Variants in HEMK2 observed in about 807,000 individuals in gnomAD.
The protein encoded by HEMK2 is HemK methyltransferase 2, ETF1 glutamine and histone H4 lysine.
At chr21:28,828,681 A>C in the HEMK2 span, among the ~76,000 whole-genome samples, 1 of 152,144 alleles carries the variant, frequency 6.6e-6, no homozygotes, top group Admixed American at 6.5e-5. Context: ...TGCTGTCAGA[A>C]AATGTTCCCT....
At chr21:28,834,038 A>G in the HEMK2 span, among the ~76,000 whole-genome samples, 2 of 152,212 alleles carry the variant, frequency 1.3e-5, no homozygotes, top group Non-Finnish European at 2.9e-5. Flanking sequence ...GTTTGTCTGC[A>G]TACGTGTGCA....
At chr21:28,730,073 A>G in the HEMK2 span, among the ~76,000 whole-genome samples, 1 of 152,062 alleles carries the variant, frequency 6.6e-6, no homozygotes, top group Non-Finnish European at 1.5e-5. Flanking sequence ...CCTCAAAGCT[A>G]AGCAGCTTAA....
the HEMK2 span, among the ~76,000 whole-genome samples, chr21:28,736,570 A>T: frequency 6.6e-6 from 1 of 152,206 alleles, no homozygotes; most frequent in Non-Finnish European, 1.5e-5. Context: ...CAGCCTGGCC[A>T]ACATGGTGAA....
At chr21:28,811,914 C>G in the HEMK2 span, among the ~76,000 whole-genome samples, 1 of 152,154 alleles carries the variant, frequency 6.6e-6, no homozygotes, top group African/African-American at 2.4e-5. Context: ...AAATAAAATT[C>G]ATCCGTTCTT....
the HEMK2 span, among the ~76,000 whole-genome samples, chr21:28,698,437 T>G: frequency 6.6e-6 from 1 of 152,188 alleles, no homozygotes; most frequent in African/African-American, 2.4e-5. Context: ...CTTACTGACA[T>G]TATAATTGTA....
the HEMK2 span, among the ~76,000 whole-genome samples, chr21:28,706,346 A>G: frequency 3.9e-5 from 6 of 152,316 alleles, no homozygotes; most frequent in Admixed American, 2.6e-4. Context: ...TAACGACTCT[A>G]TAACATCCTA....
the HEMK2 span, among the ~76,000 whole-genome samples, chr21:28,578,669 T>C: frequency 6.6e-6 from 1 of 152,172 alleles, no homozygotes; most frequent in Admixed American, 6.5e-5. Flanking sequence ...TGAAATCTTC[T>C]ACTCAGGGAT....
At chr21:28,717,409 C>T in the HEMK2 span, among the ~76,000 whole-genome samples, 11 of 151,214 alleles carry the variant, frequency 7.3e-5, no homozygotes, top group Admixed American at 3.3e-4. Context: ...GTTTGTATAC[C>T]TAGAAGTGTT....
chr21:28,822,601 A>G, the HEMK2 span, among the ~76,000 whole-genome samples: 2 of 152,056 alleles, frequency 1.3e-5, no homozygotes, highest in Non-Finnish European at 2.9e-5. Context: ...ACACATATAT[A>G]TATCCCTGAG....
the HEMK2 span, among the ~76,000 whole-genome samples, chr21:28,717,532 T>C: frequency 1.4e-5 from 2 of 142,368 alleles, no homozygotes; most frequent in East Asian, 2.3e-4. Context: ...CAGGCTGGAG[T>C]ACAGTGGCAT....
chr21:28,856,297 C>A, the HEMK2 span, among the ~76,000 whole-genome samples: 1 of 152,050 alleles, frequency 6.6e-6, no homozygotes, highest in African/African-American at 2.4e-5. Context: ...TTCCTGTAAT[C>A]CCAGCTACTT....
At chr21:28,694,089 T>C in the HEMK2 span, among the ~76,000 whole-genome samples, 1 of 152,234 alleles carries the variant, frequency 6.6e-6, no homozygotes, top group African/African-American at 2.4e-5. Flanking sequence ...CAAAAGTACA[T>C]TGTCAAAGGA....
the HEMK2 span, among the ~76,000 whole-genome samples, chr21:28,808,323 T>C: frequency 1.3e-5 from 2 of 152,172 alleles, no homozygotes; most frequent in Admixed American, 6.5e-5. Context: ...TCATCCAACT[T>C]TCTTCTTCTT....
chr21:28,885,180 C>T, the HEMK2 span: 31 of 1,529,464 alleles, frequency 2.0e-5, no homozygotes, highest in African/African-American at 4.0e-4. Context: ...AGCCGCAACC[C>T]TTTCCCGTCA....
At chr21:28,775,494 A>G in the HEMK2 span, among the ~76,000 whole-genome samples, 18 of 152,334 alleles carry the variant, frequency 1.2e-4, no homozygotes, top group Admixed American at 9.8e-4. Flanking sequence ...AAGTATCACT[A>G]TGTAAATCGT....
At chr21:28,740,929 C>T in the HEMK2 span, among the ~76,000 whole-genome samples, 1 of 138,544 alleles carries the variant, frequency 7.2e-6, no homozygotes, top group Non-Finnish European at 1.6e-5. Context: ...TTATGTAATG[C>T]ATTTTTTTGG....
At chr21:28,770,580 C>G in the HEMK2 span, among the ~76,000 whole-genome samples, 1 of 152,036 alleles carries the variant, frequency 6.6e-6, no homozygotes, top group Non-Finnish European at 1.5e-5. Flanking sequence ...GATTAAGTCA[C>G]GAGGGCTCTG....
At chr21:28,623,298 C>A in the HEMK2 span, among the ~76,000 whole-genome samples, 3 of 152,162 alleles carry the variant, frequency 2.0e-5, no homozygotes, top group Admixed American at 6.5e-5. Flanking sequence ...CATCTCATGA[C>A]AGTTAGAATA....
the HEMK2 span, among the ~76,000 whole-genome samples, chr21:28,833,884 C>G: frequency 2.2e-4 from 33 of 152,332 alleles, no homozygotes; most frequent in South Asian, 4.1e-4. Context: ...CTCAGCAGGG[C>G]TGAATTGTTC....
Sources: gnomAD v4.1 joint callset for allele counts (sites outside exome capture counted in the v4.1 genomes callset) on GRCh38, gnomAD v4.1.1 for gene constraint, MANE v1.5 for transcripts, NCBI Gene and HGNC (gene_info 2026-07-23, HGNC 2026-07-21) for gene names.